The following ABCA8 variants were observed in gnomAD, a reference collection of about 807,000 sequenced individuals.
ABCA8 encodes ABC-type organic anion transporter ABCA8.
ABCA8 carries 177 observed loss-of-function variants against 192.3 expected under a neutral mutation model. That is an observed-to-expected ratio of 0.92 (90% CI 0.81 to 1.04). The LOEUF (loss-of-function observed/expected upper bound fraction) is 1.04. ABCA8 is among the 50% of genes least tolerant of loss of function. ABCA8 has a pLI of 0.00. For missense variants in ABCA8, 1,915 were observed against 1,904.8 expected, an observed-to-expected ratio of 1.01 and a Z score of -0.10; for synonymous variants, 642 against 690.2, an observed-to-expected ratio of 0.93 and a Z score of 1.09.
In ABCA8 at chr17:68,929,683, A is replaced by C. The variant is rs573542578; in HGVS notation, c.817T>G (p.Tyr273Asp). ...GCCATAATGAAGATGAAACCAGCAT[A>C]GAGCAAACCCCAGGAGAGCCTAATG... The part of the protein sequence containing the change: ...SAFWLSWGLL[Y>D]AGFIFIMALF... Residue 273 changes from tyrosine (Y) to aspartate (D), a missense_variant, in exon 8 of 40, where the codon TAT becomes GAT. Transcript: ENST00000586539. 12 of 1,612,466 alleles carry C rather than the reference A, an allele frequency of 7.4e-6. No homozygotes were observed. In the Admixed American group the frequency reaches 1.5e-4, roughly 20 times the overall value.
intron 2 of ABCA8, among the ~76,000 whole-genome samples, chr17:68,944,006 G>T (rs2068305511): frequency 6.6e-6 from 1 of 151,888 alleles, no homozygotes; most frequent in African/African-American, 2.4e-5. Flanking sequence ...CCTTTGCAGG[G>T]ACATGGATGA....
At chr17:68,936,523 C>A (rs2068069705) in intron 5 of ABCA8, among the ~76,000 whole-genome samples, 1 of 151,978 alleles carries the variant, frequency 6.6e-6, no homozygotes, top group South Asian at 2.1e-4. Context: ...CTATTCTGTT[C>A]TATTTATGTA....
At chr17:68,917,925 C>T in intron 16 of ABCA8, 122 bp downstream of exon 16, 1 of 1,171,386 alleles carries the variant, frequency 8.5e-7, no homozygotes, top group Non-Finnish European at 1.2e-6. Flanking sequence ...TACCACCAGC[C>T]ATTCAATTTA....
rs935543215 is a variant in ABCA8 at position 68,868,149 on chromosome 17, C to T, written c.4802G>A (p.Gly1601Asp). The T allele has an allele frequency of 1.5e-5, 24 of 1,613,054 alleles. No homozygotes were observed. Among genetic ancestry groups the T allele is most frequent in the Non-Finnish European group, 1.9e-5 (23 of 1,179,558 alleles). ...FLELSKEQELGDFEEDFDPSV... is the reference protein window; with the variant it reads ...FLELSKEQELDDFEEDFDPSV... ...GGGATCAAAATCCTCCTCAAAATCA[C>T]CCAGCTCCTGCTCCTTGGAGAGCTC... Residue 1601 changes from glycine to aspartate, a missense_variant, in exon 40 of 40, where the codon GGT (glycine) becomes GAT (aspartate). Gly to Asp is a moderately conservative substitution (Grantham distance 94). Transcript: ENST00000586539.
Position 68,910,967 on chromosome 17 carries a change from T to TGAG in ABCA8, c.2139-3091_2139-3089dup, listed in dbSNP as rs369981203. Among the ~76,000 whole-genome samples the TGAG allele has an allele frequency of 2.5e-3, 376 of 151,524 alleles. 2 individuals are homozygous for TGAG. The highest frequency in any genetic ancestry group is 3.3e-3 in the Admixed American group (50 of 15,238). The stretch of plus-strand genomic sequence containing the variant: ...GGCAGTACTTGCCACAGGCCTTGGG[T>TGAG]GAGGCCCAGTGCTCTGCTGGCTTCA... On this transcript the variant is annotated intron_variant, in intron 17 of 39. Coordinates refer to ENST00000586539, the MANE Select transcript of ABCA8 (RefSeq NM_001288985.2).
At chr17:68,933,013 A>G (rs2067950438) in intron 6 of ABCA8, among the ~76,000 whole-genome samples, 155 bp downstream of exon 6, 1 of 152,206 alleles carries the variant, frequency 6.6e-6, no homozygotes, top group Non-Finnish European at 1.5e-5. Flanking sequence ...GTTTGTATCT[A>G]CATTCCGTGG....
At chr17:68,878,998 G>A (rs1406176197) in intron 32 of ABCA8, 2 of 152,172 alleles carry the variant, frequency 1.3e-5, no homozygotes, top group African/African-American at 4.8e-5. Flanking sequence ...CTTTGTAAAA[G>A]AGTTCTTAAG....
At position 68,940,648 on chromosome 17, in the gene ABCA8, T is replaced by C. The variant is rs111235221; in HGVS notation, c.301+110A>G. On this transcript the variant is annotated intron_variant, in intron 4 of 39. Transcript: ENST00000586539. ...GAAGACACATTCCCAATTCATGTAC[T>C]CCAGAAAGTTTAATTATCAAACTGA... The C allele has an allele frequency of 1.3e-3, 1,259 of 988,396 alleles. 16 individuals carry two copies. In the African/African-American group the frequency reaches 0.017, roughly 13 times the overall value. 61.2% of individuals were successfully genotyped at this position (988,396 alleles called of 1,614,324 possible).
At chr17:68,905,974 T>C (rs2067054440) in intron 19 of ABCA8, 70 bp downstream of exon 19, 4 of 1,380,374 alleles carry the variant, frequency 2.9e-6, no homozygotes, top group Non-Finnish European at 3.9e-6. Flanking sequence ...CATTTTGTAA[T>C]CACATCTTTG....
Position 68,906,097 on chromosome 17 carries a change from G to A in ABCA8, c.2345C>T (p.Thr782Ile), listed in dbSNP as rs756111720. Reference protein sequence around the residue: ...GIENYGVSMTTLNEVFLKLEG... With the variant: ...GIENYGVSMTILNEVFLKLEG... ...TAGCTTCAGGAATACTTCATTCAAAGTTGTCATGGAAACACCATAATTCTC... is the reference window on the plus strand; with the variant it reads ...TAGCTTCAGGAATACTTCATTCAAAATTGTCATGGAAACACCATAATTCTC... Residue 782 changes from threonine to isoleucine, a missense_variant, in exon 19 of 40, where the codon ACT (threonine) becomes ATT (isoleucine). By Grantham distance (89) the Thr-to-Ile change is moderately conservative. Transcript: ENST00000586539. 7.5e-6 allele frequency: 12 copies of A among 1,599,802 alleles called. No homozygotes were observed. Among genetic ancestry groups the A allele is most frequent in the Non-Finnish European group, 1.0e-5 (12 of 1,173,460 alleles).
intron 37 of ABCA8, among the ~76,000 whole-genome samples, chr17:68,874,483 A>G (rs1177585146): frequency 6.6e-6 from 1 of 152,208 alleles, no homozygotes; most frequent in East Asian, 1.9e-4. Flanking sequence ...TCATTTCACA[A>G]GACATCATTA....
rs1274140068 is a variant in ABCA8, at chr17:68,884,321, G to A, written c.3615+10C>T. On this transcript the variant is annotated intron_variant, in intron 28 of 39. Transcript: ENST00000586539. The stretch of plus-strand genomic sequence containing the variant: ...AAAGTGATAATTTTTAAAGAACAGT[G>A]TGTTCTTACAATTAGGAATACCAGA... 2.6e-6 allele frequency: 4 copies of A among 1,563,910 alleles called. No individual in the cohort carries two copies. Among genetic ancestry groups the A allele is most frequent in the Non-Finnish European group, 3.4e-6 (4 of 1,161,936 alleles).
chr17:68,928,820 C>T (rs539662736), intron 9 of ABCA8, among the ~76,000 whole-genome samples: 3 of 152,226 alleles, frequency 2.0e-5, no homozygotes, highest in Non-Finnish European at 4.4e-5. Flanking sequence ...TTTATATTGC[C>T]TTTAAATAAT....
At chr17:68,940,658 T>G in intron 4 of ABCA8, 100 bp downstream of exon 4, 1 of 1,135,378 alleles carries the variant, frequency 8.8e-7, no homozygotes, top group East Asian at 2.5e-5. Flanking sequence ...TCCAGAAAGT[T>G]TAATTATCAA....
intron 32 of ABCA8, 114 bp from the exon 33 acceptor site, chr17:68,877,793 T>A: frequency 8.9e-7 from 1 of 1,123,624 alleles, no homozygotes; most frequent in East Asian, 2.6e-5. Flanking sequence ...TAAACCTCAT[T>A]GGGTTTAATA....
chr17:68,942,143 C>A lies in ABCA8; in HGVS notation c.-5-104G>T, dbSNP rs749884410. On this transcript the variant is annotated intron_variant, in intron 2 of 39. Transcript: ENST00000586539. The stretch of plus-strand genomic sequence containing the variant: ...AACGTAGCCTAATACTCCAATGTTC[C>A]AAATGAGTGCAAAGAGTCTGAGTGT... The A allele has an allele frequency of 5.2e-6, 4 of 763,356 alleles. No individual in the cohort carries two copies. In the African/African-American group the frequency reaches 5.3e-5, roughly 10 times the overall value. 47.3% of individuals were successfully genotyped at this position (763,356 alleles called of 1,614,324 possible).
chr17:68,950,570 G>C lies in ABCA8; in HGVS notation c.-166-1098C>G, dbSNP rs554923519. ...TTATTTTTATTCATTAGTCTTGCTA[G>C]AATTTTGAATGTATTAATGGCCTTT... is the stretch of plus-strand genomic sequence containing the variant. On this transcript the variant is annotated intron_variant, in intron 1 of 39. Coordinates refer to ENST00000586539, the MANE Select transcript of ABCA8 (RefSeq NM_001288985.2). Among the ~76,000 whole-genome samples the C allele has an allele frequency of 3.9e-5, 6 of 152,162 alleles. No individual in the cohort carries two copies. The South Asian group carries it at 1.2e-3, about 32-fold the overall frequency.
At chr17:68,925,777 C>T (rs1270883242) in intron 10 of ABCA8, among the ~76,000 whole-genome samples, 1 of 152,114 alleles carries the variant, frequency 6.6e-6, no homozygotes, top group African/African-American at 2.4e-5. Flanking sequence ...AACTGGATAC[C>T]TTCTGCCACC....
At chr17:68,906,921 ATACTAGGGTGAT>A (rs1017256837) in intron 18 of ABCA8, among the ~76,000 whole-genome samples, 28 of 152,262 alleles carry the variant, frequency 1.8e-4, no homozygotes, top group African/African-American at 6.7e-4. Context: ...CCTAATTCTA[ATACTAGGGTGAT>A]TACAGAAGTC....
Sources: allele counts gnomAD v4.1 joint callset (sites outside exome capture counted in the v4.1 genomes callset), GRCh38; gene constraint gnomAD v4.1.1; transcripts MANE v1.5; gene names NCBI Gene and HGNC (gene_info 2026-07-23, HGNC 2026-07-21).